The following NAALADL2 variants were observed in gnomAD, a reference collection of about 807,000 sequenced individuals.
NAALADL2 encodes N-acetylated alpha-linked acidic dipeptidase like 2, also known as inactive N-acetylated-alpha-linked acidic dipeptidase-like protein 2.
In NAALADL2, 76 loss-of-function variants were observed where a neutral mutation model predicts 87.2. That is an observed-to-expected ratio of 0.87 (90% CI 0.72 to 1.05). NAALADL2 has a LOEUF of 1.05. NAALADL2 is among the 50% of genes least tolerant of loss of function. The probability of loss-of-function intolerance (pLI) is 0.00; values close to 1 mark genes in which losing one functional copy is unlikely to be tolerated. For synonymous variants in NAALADL2, 354 were observed against 331.0 expected (o/e 1.07, Z -0.75); for missense variants, 1,089 against 945.8 (o/e 1.15, Z -1.99).
At chr3:175,701,550 C>T (rs1291115967) in intron 11 of NAALADL2, among the ~76,000 whole-genome samples, 1 of 152,018 alleles carries the variant, frequency 6.6e-6, no homozygotes, top group Non-Finnish European at 1.5e-5. Flanking sequence ...TTAATTATCG[C>T]ACTTGTGGGC....
At chr3:175,046,705 A>G (rs1157895846) in intron 1 of NAALADL2, among the ~76,000 whole-genome samples, 1 of 152,326 alleles carries the variant, frequency 6.6e-6, no homozygotes, top group South Asian at 2.1e-4. Flanking sequence ...CAAGAAGCAT[A>G]TATTTAAGAA....
chr3:175,264,478 A>G (rs1751591288), intron 4 of NAALADL2, among the ~76,000 whole-genome samples: 1 of 151,848 alleles, frequency 6.6e-6, no homozygotes, highest in African/African-American at 2.4e-5. Flanking sequence ...TAATATACTT[A>G]ATAAATCCAT....
intron 2 of NAALADL2, among the ~76,000 whole-genome samples, chr3:174,583,806 G>GAA (rs1244199405): frequency 5.9e-5 from 9 of 152,128 alleles, no homozygotes; most frequent in Admixed American, 3.9e-4. Context: ...TAGTCTGAGA[G>GAA]AAAAAACAGT....
At chr3:174,849,115 G>T (rs1283301111) in intron 3 of NAALADL2, among the ~76,000 whole-genome samples, 3 of 152,124 alleles carry the variant, frequency 2.0e-5, no homozygotes, top group Non-Finnish European at 2.9e-5. Context: ...GTTGTTCTGC[G>T]TGAGTCAGTA....
At chr3:174,593,288 CAG>C (rs1402036097) in intron 2 of NAALADL2, among the ~76,000 whole-genome samples, 2 of 152,056 alleles carry the variant, frequency 1.3e-5, no homozygotes, top group Non-Finnish European at 1.5e-5. Context: ...AAATGTATAA[CAG>C]AGTAACTATT....
intron 1 of NAALADL2, among the ~76,000 whole-genome samples, chr3:174,529,281 A>G (rs1721033649): frequency 6.6e-6 from 1 of 152,322 alleles, no homozygotes. Context: ...CTTTGACTCC[A>G]TGTCTCACAT....
chr3:175,145,683 A>AT (rs35760253), intron 2 of NAALADL2, among the ~76,000 whole-genome samples: 51,905 of 150,860 alleles, frequency 0.34, 8,935 homozygotes, highest in African/African-American at 0.36. Context: ...ACTTCTGTGT[A>AT]TTTTTTTTTA....
intron 2 of NAALADL2, among the ~76,000 whole-genome samples, chr3:175,140,173 C>T (rs377180349): frequency 6.4e-4 from 98 of 152,200 alleles, no homozygotes; most frequent in African/African-American, 2.1e-3. Flanking sequence ...TAATTGTGGC[C>T]ATCTGGTAGG....
intron 9 of NAALADL2, among the ~76,000 whole-genome samples, chr3:175,496,142 A>G (rs1388503421): frequency 1.3e-5 from 2 of 152,174 alleles, no homozygotes; most frequent in Non-Finnish European, 2.9e-5. Flanking sequence ...TTTAAATATT[A>G]AAACAAGATA....
chr3:174,877,683 A>G lies in NAALADL2; in HGVS notation c.43+18233A>G, dbSNP rs997358326. Among the ~76,000 whole-genome samples, 4 of 152,138 alleles carry G rather than the reference A, an allele frequency of 2.6e-5. No homozygotes were observed. The East Asian group carries it at 7.7e-4, about 29-fold the overall frequency. ...TCTATAGCTATCTTAAAGTATTTGAAGACAGGTGATGTAGAATATGGATTA... is the reference window on the plus strand; with the variant it reads ...TCTATAGCTATCTTAAAGTATTTGAGGACAGGTGATGTAGAATATGGATTA... On this transcript the variant is annotated intron_variant, in intron 1 of 13. Coordinates refer to ENST00000454872, the MANE Select transcript of NAALADL2 (RefSeq NM_207015.3).
chr3:175,537,228 G>A lies in NAALADL2; in HGVS notation c.1654-38813G>A, dbSNP rs1039053392. 2.2e-4 allele frequency among the ~76,000 whole-genome samples: 34 copies of A among 152,230 alleles called. 2 individuals are homozygous for A. Among genetic ancestry groups the A allele is most frequent in the Admixed American group, 8.5e-4 (13 of 15,290 alleles). On this transcript the variant is annotated intron_variant, in intron 9 of 13. Coordinates refer to ENST00000454872, the MANE Select transcript of NAALADL2 (RefSeq NM_207015.3). ...GATTCTAAATTCATGTGCCTTTTTT[G>A]AATACTGCCGCTTCTCAAAATATAT...
chr3:175,000,437 A>T (rs181927904), intron 1 of NAALADL2, among the ~76,000 whole-genome samples: 70 of 152,300 alleles, frequency 4.6e-4, no homozygotes, highest in African/African-American at 1.6e-3. Context: ...TGTCACGAGT[A>T]CTCAAGTCTT....
chr3:175,081,627 A>G (rs1240727464), intron 1 of NAALADL2, among the ~76,000 whole-genome samples: 7 of 152,116 alleles, frequency 4.6e-5, no homozygotes, highest in Non-Finnish European at 1.0e-4. Flanking sequence ...CTACATATCA[A>G]TGCATATTCC....
At chr3:174,742,451 C>T (rs959027343) in intron 3 of NAALADL2, among the ~76,000 whole-genome samples, 1 of 151,550 alleles carries the variant, frequency 6.6e-6, no homozygotes, top group African/African-American at 2.4e-5. Context: ...TTTTTTAGAG[C>T]CAACCTAGTA....
At chr3:174,482,305 G>A (rs1439523552) in intron 1 of NAALADL2, among the ~76,000 whole-genome samples, 1 of 152,044 alleles carries the variant, frequency 6.6e-6, no homozygotes, top group Non-Finnish European at 1.5e-5. Flanking sequence ...GGCCCAGCAA[G>A]TGAGTTCCTG....
At chr3:175,023,293 C>A (rs745403682) in intron 1 of NAALADL2, among the ~76,000 whole-genome samples, 7 of 152,106 alleles carry the variant, frequency 4.6e-5, no homozygotes, top group Non-Finnish European at 1.0e-4. Context: ...ACATATTGGA[C>A]TTCTCTTGAT....
intron 3 of NAALADL2, among the ~76,000 whole-genome samples, chr3:174,797,744 G>T (rs927826571): frequency 6.6e-6 from 1 of 152,142 alleles, no homozygotes; most frequent in Non-Finnish European, 1.5e-5. Context: ...AGAAATGAGA[G>T]AATTAAATTG....
intron 1 of NAALADL2, among the ~76,000 whole-genome samples, chr3:175,035,796 A>T (rs1238632010): frequency 6.6e-6 from 1 of 152,152 alleles, no homozygotes; most frequent in Non-Finnish European, 1.5e-5. Context: ...CAGACCTCCA[A>T]TATCAGACTC....
Position 175,467,079 on chromosome 3 carries a change from C to T in NAALADL2, c.1428C>T (p.Ala476=). 6.2e-7 allele frequency: 1 copy of T among 1,613,836 alleles called. No individual in the cohort carries two copies. Among genetic ancestry groups the T allele is most frequent in the Non-Finnish European group, 8.5e-7 (1 of 1,179,810 alleles). ...STAIITAFIR[A]LMSKVKRGWR... is the part of the protein sequence containing the mutation. ...CAATAATCACAGCGTTTATCCGTGCCTTGATGTCAAAAGTTAAGAGAGGGT... is the reference window on the plus strand; with the variant it reads ...CAATAATCACAGCGTTTATCCGTGCTTTGATGTCAAAAGTTAAGAGAGGGT... Residue 476 remains alanine, a synonymous_variant, in exon 8 of 14, where the codon GCC becomes GCT. Transcript: ENST00000454872.
Sources: allele counts gnomAD v4.1 joint callset (sites outside exome capture counted in the v4.1 genomes callset), GRCh38; gene constraint gnomAD v4.1.1; transcripts MANE v1.5; gene names NCBI Gene and HGNC (gene_info 2026-07-23, HGNC 2026-07-21).